The following P2RX1 variants were observed in gnomAD, a reference collection of about 807,000 sequenced individuals.
P2RX1 encodes P2X purinoceptor 1.
Under a neutral mutation model 50.3 loss-of-function variants are expected in P2RX1, and 42 were observed. That is an observed-to-expected ratio of 0.83 (90% confidence interval 0.65 to 1.08). The LOEUF (loss-of-function observed/expected upper bound fraction) is 1.08. P2RX1 is among the 50% of genes least tolerant of loss of function. P2RX1 has a pLI of 0.00. For missense variants in P2RX1, 449 were observed against 529.0 expected, an observed-to-expected ratio of 0.85 and a Z score of 1.48; for synonymous variants, 199 against 202.6, an observed-to-expected ratio of 0.98 and a Z score of 0.15.
chr17:3,900,694 C>A (rs1184152579), intron 7 of P2RX1, among the ~76,000 whole-genome samples: 1 of 152,118 alleles, frequency 6.6e-6, no homozygotes, highest in Non-Finnish European at 1.5e-5. Context: ...GGGAGCATTT[C>A]TCGCTTTATA....
In P2RX1 at chr17:3,912,493, G is replaced by A. The variant is rs778441971; in HGVS notation, c.137+3596C>T. Among the ~76,000 whole-genome samples the A allele has an allele frequency of 2.0e-5, 3 of 152,218 alleles. No homozygotes were observed. In the East Asian group the frequency reaches 5.8e-4, roughly 29 times the overall value. On this transcript the variant is annotated intron_variant, in intron 1 of 11. Coordinates refer to ENST00000225538, the MANE Select transcript of P2RX1 (RefSeq NM_002558.4). ...TTACAGGCGTGCGCCACCACACCCA[G>A]CTAATTTTTGTATTTTTAGTAGAGA...
intron 1 of P2RX1, among the ~76,000 whole-genome samples, chr17:3,910,305 C>A (rs967132432): frequency 1.3e-5 from 2 of 152,182 alleles, no homozygotes; most frequent in Non-Finnish European, 2.9e-5. Context: ...AAGCACTAAC[C>A]ACTATACAGA....
chr17:3,904,084 C>A, intron 4 of P2RX1, 60 bp from the exon 5 acceptor site: 2 of 1,381,030 alleles, frequency 1.4e-6, no homozygotes, highest in Non-Finnish European at 2.1e-6. Flanking sequence ...GCCCCAGACC[C>A]CTTCTCCAGG....
In P2RX1 at chr17:3,898,568, GAGAGAAGGGCTAACCGTCGGA is replaced by G; in HGVS notation, c.967-40_967-20del. ...TCCCGGCCTGGTGGCAGGACCCAGG[GAGAGAAGGGCTAACCGTCGGA>G]AGGGGCCCAGCTGGAAAAGGCCGGA... is the stretch of plus-strand genomic sequence containing the variant. On this transcript the variant is annotated intron_variant, in intron 9 of 11. Transcript: ENST00000225538. 1 of 1,603,262 alleles carries G rather than the reference GAGAGAAGGGCTAACCGTCGGA, an allele frequency of 6.2e-7. No individual in the cohort carries two copies. Among genetic ancestry groups the G allele is most frequent in the Non-Finnish European group, 8.5e-7 (1 of 1,170,242 alleles).
chr17:3,901,651 G>A (rs891675725), intron 7 of P2RX1, among the ~76,000 whole-genome samples: 2 of 152,212 alleles, frequency 1.3e-5, no homozygotes, highest in South Asian at 4.1e-4. Context: ...GTCGTGAGTG[G>A]GTTATTTTGA....
chr17:3,913,651 C>T (rs143728005), intron 1 of P2RX1, among the ~76,000 whole-genome samples: 68 of 152,298 alleles, frequency 4.5e-4, no homozygotes, highest in African/African-American at 1.6e-3. Flanking sequence ...TCCCACCCTT[C>T]GTCTGAGTTG....
At chr17:3,901,234 A>AT (rs754274320) in intron 7 of P2RX1, among the ~76,000 whole-genome samples, 2 of 152,062 alleles carry the variant, frequency 1.3e-5, no homozygotes, top group Non-Finnish European at 2.9e-5. Flanking sequence ...TGCCCGGCTA[A>AT]TTTTTTATAT....
Position 3,901,759 on chromosome 17 carries a change from C to T in P2RX1, c.747+1443G>A, listed in dbSNP as rs990826310. ...TGCTGCCAGGTGTACAGGCTTCCCA[C>T]GCGCCAGGCAGCGAGGCACGCCAGG... On this transcript the variant is annotated intron_variant, in intron 7 of 11. Transcript: ENST00000225538. Among the ~76,000 whole-genome samples, 51 of 152,322 alleles carry T rather than the reference C, an allele frequency of 3.3e-4. 1 individual carries two copies. Among genetic ancestry groups the T allele is most frequent in the African/African-American group, 1.1e-3 (46 of 41,574 alleles).
rs974133114 is a variant in P2RX1, at chr17:3,901,229, G to A, written c.748-1468C>T. ...ATTACAGGTGCCCGCCACCATGCCC[G>A]GCTAATTTTTTATATTTTTAGTAGA... On this transcript the variant is annotated intron_variant, in intron 7 of 11. Coordinates refer to ENST00000225538, the MANE Select transcript of P2RX1 (RefSeq NM_002558.4). Among the ~76,000 whole-genome samples, 9 of 152,230 alleles carry A rather than the reference G, an allele frequency of 5.9e-5. No homozygotes were observed. The South Asian group carries it at 8.3e-4, about 14-fold the overall frequency.
rs1330168334 is a variant in P2RX1 at position 3,903,650 on chromosome 17, A to G, written c.525-19T>C. ...GGCAGGGCTGGAGGACACCACACGC[A>G]CTCACCGCCCCTCCCCAGGAGGCCC... On this transcript the variant is annotated intron_variant, in intron 5 of 11. Coordinates refer to ENST00000225538, the MANE Select transcript of P2RX1 (RefSeq NM_002558.4). The surrounding 1 kb of genome is among the most constrained non-coding windows in gnomAD (Gnocchi z 4.6). 1 of 1,612,026 alleles carries G rather than the reference A, an allele frequency of 6.2e-7. No homozygotes were observed. The highest frequency in any genetic ancestry group is 1.3e-5 in the African/African-American group (1 of 74,906).
At chr17:3,910,220 C>A (rs1327757046) in intron 1 of P2RX1, among the ~76,000 whole-genome samples, 1 of 152,128 alleles carries the variant, frequency 6.6e-6, no homozygotes, top group Non-Finnish European at 1.5e-5. Flanking sequence ...GGTGATCCAC[C>A]CACCTCTGCC....
intron 7 of P2RX1, among the ~76,000 whole-genome samples, chr17:3,900,594 CTTGT>C (rs1373989712): frequency 6.6e-6 from 1 of 152,138 alleles, no homozygotes; most frequent in African/African-American, 2.4e-5. Context: ...CTGACCATTT[CTTGT>C]TTATTTATTT....
At chr17:3,915,845 A>C in intron 1 of P2RX1, 1 of 653,166 alleles carries the variant, frequency 1.5e-6, no homozygotes, top group Non-Finnish European at 2.8e-6. Context: ...CCGGCTCCTC[A>C]GAACCCAGAG....
rs896391820 is a variant in P2RX1, at chr17:3,903,719, G to A, written c.525-88C>T. ...AGCTTGGCACAGCAGGGGGTGGGCC[G>A]AGCCTCCGGGACCCGCCTGCAGCCC... On this transcript the variant is annotated intron_variant, in intron 5 of 11. Coordinates refer to ENST00000225538, the MANE Select transcript of P2RX1 (RefSeq NM_002558.4). The surrounding 1 kb of genome is among the most constrained non-coding windows in gnomAD (Gnocchi z 4.6). 14 of 1,405,750 alleles carry A rather than the reference G, an allele frequency of 1.0e-5. No homozygotes were observed. Among genetic ancestry groups the A allele is most frequent in the Middle Eastern group, 1.8e-4 (1 of 5,584 alleles). The allele number at this position is 1,405,750 out of a possible 1,614,324, so 87.1% of individuals were successfully genotyped here. A position where few individuals can be genotyped will look rare whatever the true frequency, so the allele number is the denominator to read the frequency against.
intron 1 of P2RX1, among the ~76,000 whole-genome samples, chr17:3,909,281 C>T (rs1269817708): frequency 1.3e-5 from 2 of 152,086 alleles, no homozygotes; most frequent in African/African-American, 4.8e-5. Context: ...CCGCCCGCCT[C>T]GGCCTCCCAA....
At chr17:3,911,667 T>C (rs990077629) in intron 1 of P2RX1, among the ~76,000 whole-genome samples, 4 of 152,148 alleles carry the variant, frequency 2.6e-5, no homozygotes, top group African/African-American at 9.6e-5. Flanking sequence ...GCAGAAGAAA[T>C]CCGGGCGCCT....
Position 3,916,141 on chromosome 17 carries a change from C to G in P2RX1, c.85G>C (p.Val29Leu), listed in dbSNP as rs1260154981. 6.2e-7 allele frequency: 1 copy of G among 1,613,574 alleles called. No homozygotes were observed. Among genetic ancestry groups the G allele is most frequent in the Non-Finnish European group, 8.5e-7 (1 of 1,180,040 alleles). Reference protein sequence around the residue: ...PRMVLVRNKKVGVIFRLIQLV... With the variant: ...PRMVLVRNKKLGVIFRLIQLV... ...TGGATCAGTCGGAAGATAACGCCCA[C>G]CTTCTTATTACGCACCAGCACCATG... The change falls in exon 1 of 12, where the codon GTG (valine) becomes CTG (leucine). Residue 29 changes from valine to leucine, a missense_variant. By Grantham distance (32) the Val-to-Leu change is conservative. Transcript: ENST00000225538.
intron 1 of P2RX1, among the ~76,000 whole-genome samples, chr17:3,907,975 A>G (rs982711281): frequency 3.3e-5 from 5 of 152,198 alleles, no homozygotes; most frequent in African/African-American, 1.2e-4. Context: ...CAACGTTTCT[A>G]TCTTTGCCCA....
At chr17:3,913,888 C>T (rs1278410536) in intron 1 of P2RX1, among the ~76,000 whole-genome samples, 4 of 152,176 alleles carry the variant, frequency 2.6e-5, no homozygotes, top group Non-Finnish European at 5.9e-5. Context: ...GCAACCCGTG[C>T]CCCACGGGCC....
Sources: allele counts gnomAD v4.1 joint callset (sites outside exome capture counted in the v4.1 genomes callset), GRCh38; gene constraint gnomAD v4.1.1; non-coding constraint Gnocchi (gnomAD v3.1); transcripts MANE v1.5; gene names NCBI Gene and HGNC (gene_info 2026-07-23, HGNC 2026-07-21).